Variants in GABRB3 observed in about 807,000 individuals in gnomAD.
The protein encoded by GABRB3 is gamma-aminobutyric acid receptor subunit beta-3.
GABRB3 carries 14 observed loss-of-function variants against 52.1 expected under a neutral mutation model. That is an observed-to-expected ratio of 0.27 (90% CI 0.18 to 0.42). The LOEUF is 0.42. Ranked by LOEUF, GABRB3 falls within the 10% of genes least tolerant of loss-of-function variation. GABRB3 has a pLI of 1.00. For missense variants in GABRB3, 307 were observed against 609.1 expected, an observed-to-expected ratio of 0.50 and a Z score of 5.22; for synonymous variants, 260 against 232.3, an observed-to-expected ratio of 1.12 and a Z score of -1.08.
intron 3 of GABRB3, chr15:26,624,570 C>T (rs1418169231): frequency 8.1e-6 from 8 of 985,420 alleles, no homozygotes; most frequent in African/African-American, 5.2e-5. Context: ...CCACCAGCAG[C>T]GCCTCTCAGT....
intron 4 of GABRB3, among the ~76,000 whole-genome samples, chr15:26,597,704 T>C (rs555305095): frequency 6.6e-6 from 1 of 152,296 alleles, no homozygotes; most frequent in East Asian, 1.9e-4. Context: ...CCACCACCAA[T>C]ACCTAACTTC....
At chr15:26,663,718 T>C (rs1289099890) in intron 3 of GABRB3, among the ~76,000 whole-genome samples, 1 of 152,248 alleles carries the variant, frequency 6.6e-6, no homozygotes, top group Non-Finnish European at 1.5e-5. Flanking sequence ...ATAGATATTT[T>C]AATAGCCTTG....
Position 26,571,497 on chromosome 15 carries a change from T to C in GABRB3, c.683-3764A>G, listed in dbSNP as rs560066551. On this transcript the variant is annotated intron_variant, in intron 6 of 8. Coordinates refer to ENST00000311550, the MANE Select transcript of GABRB3 (RefSeq NM_000814.6). Reference sequence around the variant, plus strand: ...CAGCAAATATTTTTGAATGATAATGTAATTTACTATATCCTCCAACTTTCC... The same window carrying C: ...CAGCAAATATTTTTGAATGATAATGCAATTTACTATATCCTCCAACTTTCC... Among the ~76,000 whole-genome samples, 3 of 152,302 alleles carry C rather than the reference T, an allele frequency of 2.0e-5. No homozygotes were observed. The South Asian group carries it at 6.2e-4, about 32-fold the overall frequency.
intron 4 of GABRB3, among the ~76,000 whole-genome samples, chr15:26,619,471 G>A (rs186547399): frequency 8.0e-5 from 11 of 138,220 alleles, no homozygotes; most frequent in Middle Eastern, 8.5e-3. Context: ...TGAACAATGA[G>A]AACACATGGA....
rs144483285 is a variant in GABRB3, at chr15:26,631,135, T to A, written c.241-9601A>T. Reference sequence around the variant, plus strand: ...TGCCGGGAGCAGGCATTCTGGAATATGAGCCACCCACAAGTGAAGCATTTA... The same window carrying A: ...TGCCGGGAGCAGGCATTCTGGAATAAGAGCCACCCACAAGTGAAGCATTTA... On this transcript the variant is annotated intron_variant, in intron 3 of 8. Transcript: ENST00000311550. Among the ~76,000 whole-genome samples, 30 of 152,296 alleles carry A rather than the reference T, an allele frequency of 2.0e-4. No individual in the cohort carries two copies. In the East Asian group the frequency reaches 4.8e-3, roughly 25 times the overall value.
chr15:26,685,157 G>C (rs1379431025), intron 3 of GABRB3, among the ~76,000 whole-genome samples: 1 of 152,098 alleles, frequency 6.6e-6, no homozygotes, highest in Non-Finnish European at 1.5e-5. Flanking sequence ...AATTAACCAC[G>C]GGGCTTTGGT....
chr15:26,750,679 A>C (rs1470059626), intron 3 of GABRB3, among the ~76,000 whole-genome samples: 1 of 152,206 alleles, frequency 6.6e-6, no homozygotes, highest in Non-Finnish European at 1.5e-5. Flanking sequence ...CTTTAGAGTA[A>C]AATGGCTTTA....
Position 26,755,433 on chromosome 15 carries a change from G to A in GABRB3, c.240+16969C>T, listed in dbSNP as rs1018039262. ...TAAACCAAAACAATGACTTGAACATGTGTATTCTATTGCTCACCTATCAGA... is the reference window on the plus strand; with the variant it reads ...TAAACCAAAACAATGACTTGAACATATGTATTCTATTGCTCACCTATCAGA... On this transcript the variant is annotated intron_variant, in intron 3 of 8. Transcript: ENST00000311550. 4.6e-5 allele frequency among the ~76,000 whole-genome samples: 7 copies of A among 152,124 alleles called. No individual in the cohort carries two copies. The South Asian group carries it at 1.4e-3, about 32-fold the overall frequency.
rs527564946 is a variant in GABRB3 at position 26,742,977 on chromosome 15, G to A, written c.240+29425C>T. ...CAGAGTCTCGCTATGGCGCCCAGGC[G>A]GGAGTGCAGTTGTAGGATCTCAGCA... On this transcript the variant is annotated intron_variant, in intron 3 of 8. Transcript: ENST00000311550. Among the ~76,000 whole-genome samples the A allele has an allele frequency of 3.5e-4, 51 of 146,220 alleles. 1 individual carries two copies. Among genetic ancestry groups the A allele is most frequent in the East Asian group, 2.7e-3 (13 of 4,814 alleles).
chr15:26,698,505 C>A (rs9920398), intron 3 of GABRB3, among the ~76,000 whole-genome samples: 82 of 151,790 alleles, frequency 5.4e-4, no homozygotes, highest in African/African-American at 1.9e-3. Flanking sequence ...TGACAAGGGA[C>A]CTGCAACAAG....
rs372692704 is a variant in GABRB3 at position 26,583,322 on chromosome 15, G to A, written c.544+10C>T. 5 of 1,603,798 alleles carry A rather than the reference G, an allele frequency of 3.1e-6. No individual in the cohort carries two copies. Among genetic ancestry groups the A allele is most frequent in the African/African-American group, 2.7e-5 (2 of 74,784 alleles). ...TAGGAGGAGAAAGAAACACAGATAC[G>A]GATACACACAGCTTTCAATTTCCAG... is the stretch of plus-strand genomic sequence containing the variant. On this transcript the variant is annotated intron_variant, in intron 5 of 8. Transcript: ENST00000311550.
chr15:26,749,075 TG>T (rs1890429447), intron 3 of GABRB3, among the ~76,000 whole-genome samples: 1 of 152,098 alleles, frequency 6.6e-6, no homozygotes, highest in South Asian at 2.1e-4. Flanking sequence ...CTGCTTGGTT[TG>T]GGTTTGTTTT....
intron 3 of GABRB3, among the ~76,000 whole-genome samples, chr15:26,699,327 G>A (rs186115927): frequency 2.6e-5 from 4 of 152,150 alleles, no homozygotes; most frequent in Admixed American, 6.5e-5. Context: ...TCCAAGTAAC[G>A]TAACTGTGTC....
intron 6 of GABRB3, among the ~76,000 whole-genome samples, chr15:26,575,169 A>G (rs1268375143): frequency 6.6e-6 from 1 of 152,180 alleles, no homozygotes; most frequent in Non-Finnish European, 1.5e-5. Context: ...CTCTTTTTGC[A>G]AAAAAGATTT....
rs1001961983 is a variant in GABRB3, at chr15:26,546,765, T to C, written c.*1028A>G. ...GAAACAAAATCTTGGTAAATATACA[T>C]ATATATGCATATTATGCAAATATAT... On this transcript the variant is annotated 3_prime_UTR_variant, in exon 9 of 9. Coordinates refer to ENST00000311550, the MANE Select transcript of GABRB3 (RefSeq NM_000814.6). 11 of 152,240 alleles carry C rather than the reference T, an allele frequency of 7.2e-5. 1 individual carries two copies. Among genetic ancestry groups the C allele is most frequent in the Middle Eastern group, 3.4e-3 (1 of 294 alleles). The allele number at this position is 152,240 out of a possible 1,614,324, so 9.4% of individuals were successfully genotyped here.
At chr15:26,612,682 C>T (rs992914243) in intron 4 of GABRB3, 1 of 152,120 alleles carries the variant, frequency 6.6e-6, no homozygotes, top group Admixed American at 6.5e-5. Flanking sequence ...TTTGCTCTTG[C>T]CAAAGTAGTG....
At chr15:26,772,635 C>T (rs780538667) in intron 2 of GABRB3, 46 bp downstream of exon 2, 28 of 1,501,428 alleles carry the variant, frequency 1.9e-5, no homozygotes, top group Non-Finnish European at 2.3e-5. Flanking sequence ...AGGCCGCCGC[C>T]GCCGTGGGTC....
intron 3 of GABRB3, among the ~76,000 whole-genome samples, chr15:26,763,607 T>TACACACACAC (rs150301275): frequency 0.14 from 20,416 of 145,786 alleles, 1,776 homozygotes; most frequent in Admixed American, 0.27. Context: ...TCTGCATAGA[T>TACACACACAC]ACACACACAC....
Position 26,585,573 on chromosome 15 carries a change from A to T in GABRB3, c.462-2159T>A, listed in dbSNP as rs373817672. Reference sequence around the variant, plus strand: ...CTACTTTCCAAAGATTGAGAGAAGCAGTGAGGGATAATGCCAACATATTTA... The same window carrying T: ...CTACTTTCCAAAGATTGAGAGAAGCTGTGAGGGATAATGCCAACATATTTA... On this transcript the variant is annotated intron_variant, in intron 4 of 8. Coordinates refer to ENST00000311550, the MANE Select transcript of GABRB3 (RefSeq NM_000814.6). Among the ~76,000 whole-genome samples the T allele has an allele frequency of 9.8e-5, 15 of 152,360 alleles. No homozygotes were observed. The East Asian group carries it at 1.7e-3, about 18-fold the overall frequency.
Sources: allele counts gnomAD v4.1 joint callset (sites outside exome capture counted in the v4.1 genomes callset), GRCh38; gene constraint gnomAD v4.1.1; transcripts MANE v1.5; gene names NCBI Gene and HGNC (gene_info 2026-07-23, HGNC 2026-07-21).